Variants in CTCF observed in about 807,000 individuals in gnomAD.
CTCF encodes transcriptional repressor CTCF.
In CTCF, 7 loss-of-function variants were observed where a neutral mutation model predicts 72.3. The observed-to-expected ratio is 0.10, with a 90% CI of 0.06 to 0.18. CTCF has a LOEUF of 0.18. Among genes scored for constraint, CTCF ranks in the 10% least tolerant of loss-of-function variants. The pLI, the probability that CTCF is intolerant of heterozygous loss-of-function variation, is 1.00. For synonymous variants in CTCF, 374 were observed against 315.8 expected (o/e 1.18, Z -1.95); for missense variants, 516 against 949.1 (o/e 0.54, Z 6.00).
intron 2 of CTCF, among the ~76,000 whole-genome samples, chr16:67,579,576 C>A (rs2051552100): frequency 6.6e-6 from 1 of 152,052 alleles, no homozygotes; most frequent in Admixed American, 6.6e-5. Context: ...CCAGGCTGGT[C>A]TCAAACTCCT....
At chr16:67,591,546 A>G (rs773177361) in intron 2 of CTCF, among the ~76,000 whole-genome samples, 14 of 152,184 alleles carry the variant, frequency 9.2e-5, no homozygotes, top group Non-Finnish European at 1.8e-4. Context: ...AGATAAGATG[A>G]TGGCGTATAT....
chr16:67,598,483 C>T (rs533818140), intron 2 of CTCF, among the ~76,000 whole-genome samples: 2 of 152,076 alleles, frequency 1.3e-5, no homozygotes, highest in South Asian at 4.1e-4. Context: ...TATAAATAAA[C>T]CAGAAAATAC....
At position 67,581,664 on chromosome 16, in the gene CTCF, C is replaced by T. The variant is rs561380845; in HGVS notation, c.-10+10400C>T. ...GATTACAGTCGTGCACCACCACACC[C>T]GGCTAATCATGTACTTTTAGTAGAG... On this transcript the variant is annotated intron_variant, in intron 2 of 11. Transcript: ENST00000264010. 1.7e-4 allele frequency among the ~76,000 whole-genome samples: 26 copies of T among 152,072 alleles called. No homozygotes were observed. In the Middle Eastern group the frequency reaches 0.01, roughly 60 times the overall value.
intron 10 of CTCF, chr16:67,635,512 C>CA: frequency 6.6e-6 from 1 of 152,040 alleles, no homozygotes; most frequent in South Asian, 2.1e-4. Flanking sequence ...TCTCTGGAGA[C>CA]AGAGTTTCAC....
At chr16:67,624,483 G>C (rs1218434724) in intron 7 of CTCF, among the ~76,000 whole-genome samples, 2 of 151,912 alleles carry the variant, frequency 1.3e-5, no homozygotes, top group Non-Finnish European at 2.9e-5. Flanking sequence ...TCTTCCCTTG[G>C]CCTCTGTGAC....
At chr16:67,580,179 G>T (rs1262427319) in intron 2 of CTCF, among the ~76,000 whole-genome samples, 1 of 152,126 alleles carries the variant, frequency 6.6e-6, no homozygotes, top group Non-Finnish European at 1.5e-5. Context: ...AACTGGGATT[G>T]CTGTTTGTCT....
chr16:67,591,814 G>A (rs995196055), intron 2 of CTCF, among the ~76,000 whole-genome samples: 1 of 151,984 alleles, frequency 6.6e-6, no homozygotes, highest in African/African-American at 2.4e-5. Flanking sequence ...GGGCTCAGGC[G>A]ATCCTCCCGC....
intron 2 of CTCF, among the ~76,000 whole-genome samples, chr16:67,588,477 G>A (rs1313618229): frequency 6.6e-6 from 1 of 152,016 alleles, no homozygotes; most frequent in Non-Finnish European, 1.5e-5. Flanking sequence ...CTTATTAGGG[G>A]AACAGAAAGT....
chr16:67,587,333 G>GT (rs1434660832), intron 2 of CTCF, among the ~76,000 whole-genome samples: 1 of 152,020 alleles, frequency 6.6e-6, no homozygotes, highest in Non-Finnish European at 1.5e-5. Context: ...TTTGGTACAA[G>GT]TATCCATTGT....
intron 2 of CTCF, among the ~76,000 whole-genome samples, chr16:67,594,924 A>AT (rs2051792048): frequency 1.3e-5 from 2 of 152,166 alleles, no homozygotes; most frequent in African/African-American, 4.8e-5. Context: ...GATGACTTTG[A>AT]TTTAGAAGGT....
In CTCF at chr16:67,611,094, G is replaced by A. The variant is rs2142824467; in HGVS notation, c.262G>A (p.Ala88Thr). ...GGGCACAGTGGCTCCAGAAGCAGAG[G>A]CTGCTGTGGACGATACCCAGATTAT... Reference protein sequence around the residue: ...MEGTVAPEAEAAVDDTQIITL... With the variant: ...MEGTVAPEAETAVDDTQIITL... The change falls in exon 3 of 12, where the codon GCT becomes ACT. Residue 88 changes from alanine to threonine, a missense_variant. Transcript: ENST00000264010. 3.7e-6 allele frequency: 6 copies of A among 1,614,176 alleles called. No homozygotes were observed. The highest frequency in any genetic ancestry group is 3.4e-6 in the Non-Finnish European group (4 of 1,180,028).
chr16:67,624,121 G>GTGTA (rs1555535516), intron 7 of CTCF, among the ~76,000 whole-genome samples: 1 of 124,626 alleles, frequency 8.0e-6, no homozygotes, highest in African/African-American at 3.4e-5. Context: ...GTGTGTATGT[G>GTGTA]TGTGTATATA....
intron 1 of CTCF, among the ~76,000 whole-genome samples, chr16:67,570,076 ATTT>A (rs59964661): frequency 2.9e-5 from 4 of 138,138 alleles, no homozygotes; most frequent in Middle Eastern, 3.9e-3. Flanking sequence ...ATAAGAATTA[ATTT>A]TTTTTTTTTT....
intron 2 of CTCF, among the ~76,000 whole-genome samples, chr16:67,573,152 T>TGAGGCA (rs987976940): frequency 6.6e-6 from 1 of 151,708 alleles, no homozygotes; most frequent in African/African-American, 2.4e-5. Context: ...CTCGGGAGGC[T>TGAGGCA]GAGGCAGAAG....
At chr16:67,579,623 G>T (rs1333619408) in intron 2 of CTCF, among the ~76,000 whole-genome samples, 1 of 152,046 alleles carries the variant, frequency 6.6e-6, no homozygotes, top group Non-Finnish European at 1.5e-5. Flanking sequence ...CCTCCCAATT[G>T]CCCTGGCCTC....
rs1430928113 is a variant in CTCF at position 67,620,738 on chromosome 16, G to C, written c.1128G>C (p.Glu376Asp). 1 of 1,599,680 alleles carries C rather than the reference G, an allele frequency of 6.3e-7. No homozygotes were observed. The highest frequency in any genetic ancestry group is 8.6e-7 in the Non-Finnish European group (1 of 1,169,042). ...GTCACATTCGCTCTCATACTGGAGA[G>C]CGTCCGTTTCAGTGCAGTTTGTGCA... ...LKRHIRSHTG[E>D]RPFQCSLCSY... Residue 376 changes from glutamate (E) to aspartate (D), a missense_variant, in exon 6 of 12, where the codon GAG becomes GAC. Glu to Asp is a conservative substitution (Grantham distance 45). This residue lies in a region of CTCF where 70 missense variants were observed against 290.1 expected (regional missense o/e 0.24). Transcript: ENST00000264010.
chr16:67,574,941 G>A (rs1418962372), intron 2 of CTCF, among the ~76,000 whole-genome samples: 18 of 148,454 alleles, frequency 1.2e-4, no homozygotes, highest in South Asian at 6.4e-4. Context: ...ACAGGCGTGA[G>A]CCACTGCGCC....
intron 4 of CTCF, among the ~76,000 whole-genome samples, chr16:67,612,911 C>G (rs899002478): frequency 2.6e-5 from 4 of 152,230 alleles, no homozygotes; most frequent in South Asian, 2.1e-4. Context: ...GCACTCCAGC[C>G]TGGGCGACAG....
Position 67,621,491 on chromosome 16 carries a change from T to C in CTCF, c.1257T>C (p.Ser419=), listed in dbSNP as rs2052198636. Residue 419 remains serine (S), a synonymous_variant, in exon 7 of 12, where the codon AGT becomes AGC. Transcript: ENST00000264010. ...TTTGTCATGCTCGGTTTACCCAAAG[T>C]GGTACCATGAAGATGCACATTTTAC... ...CYICHARFTQ[S]GTMKMHILQK... The C allele has an allele frequency of 1.2e-6, 2 of 1,612,346 alleles. No homozygotes were observed. Among genetic ancestry groups the C allele is most frequent in the East Asian group, 2.2e-5 (1 of 44,886 alleles).
Sources: gnomAD v4.1 joint callset for allele counts (sites outside exome capture counted in the v4.1 genomes callset) on GRCh38, gnomAD v4.1.1 for gene constraint, gnomAD v4.1.1 regional missense constraint, MANE v1.5 for transcripts, NCBI Gene and HGNC (gene_info 2026-07-23, HGNC 2026-07-21) for gene names.